ADARB2: variants seen among roughly 807,000 people sequenced by gnomAD.
The protein encoded by ADARB2 is inactive double-stranded RNA-specific editase B2.
In ADARB2, 25 loss-of-function variants were observed where a neutral mutation model predicts 62.2. That is an observed-to-expected ratio of 0.40 (90% confidence interval 0.29 to 0.56). The LOEUF (loss-of-function observed/expected upper bound fraction) is 0.56, where lower values mean the gene tolerates loss of function less well. Ranked by LOEUF, ADARB2 falls within the 20% of genes least tolerant of loss-of-function variation. ADARB2 has a pLI of 0.43. For missense variants in ADARB2, 1,071 were observed against 1,077.4 expected (o/e 0.99, Z 0.08); for synonymous variants, 572 against 500.8 (o/e 1.14, Z -1.90).
At position 1,371,187 on chromosome 10, in the gene ADARB2, A is replaced by G. The variant is rs190976669; in HGVS notation, c.188-7270T>C. Among the ~76,000 whole-genome samples the G allele has an allele frequency of 2.6e-5, 4 of 152,314 alleles. No homozygotes were observed. In the East Asian group the frequency reaches 7.7e-4, roughly 29 times the overall value. ...TCAACAAAGCTGACAAAAATAAACA[A>G]TGGGGAAAGGACATCCTAGTCAGTA... On this transcript the variant is annotated intron_variant, in intron 2 of 9. Transcript: ENST00000381312.
intron 3 of ADARB2, among the ~76,000 whole-genome samples, chr10:1,320,237 G>T (rs546852079): frequency 2.0e-5 from 3 of 152,318 alleles, no homozygotes; most frequent in Non-Finnish European, 2.9e-5. Flanking sequence ...CCCATGATGT[G>T]CTATGGAGAA....
intron 1 of ADARB2, among the ~76,000 whole-genome samples, chr10:1,420,190 T>C (rs1338441444): frequency 1.3e-5 from 2 of 152,218 alleles, no homozygotes; most frequent in Non-Finnish European, 2.9e-5. Flanking sequence ...ATATTTAAAG[T>C]TCTAATCTAC....
chr10:1,670,079 C>A (rs1454779812), intron 1 of ADARB2, among the ~76,000 whole-genome samples: 2 of 152,238 alleles, frequency 1.3e-5, no homozygotes, highest in Non-Finnish European at 2.9e-5. Flanking sequence ...TGAAGCCTCC[C>A]AGGTTCCTAG....
At chr10:1,285,304 C>T (rs1791000404) in intron 3 of ADARB2, among the ~76,000 whole-genome samples, 1 of 152,052 alleles carries the variant, frequency 6.6e-6, no homozygotes, top group African/African-American at 2.4e-5. Flanking sequence ...AACGCGCCCT[C>T]CTGTGAACCC....
intron 3 of ADARB2, among the ~76,000 whole-genome samples, chr10:1,277,113 A>C (rs529612138): frequency 1.3e-5 from 2 of 152,378 alleles, no homozygotes; most frequent in African/African-American, 2.4e-5. Flanking sequence ...AGCAGTGTGT[A>C]GAGGGAAATT....
chr10:1,733,438 A>G (rs1243628815), intron 1 of ADARB2, among the ~76,000 whole-genome samples: 1 of 152,228 alleles, frequency 6.6e-6, no homozygotes, highest in Non-Finnish European at 1.5e-5. Flanking sequence ...CACAAAAGAG[A>G]GAAAAACAGA....
At chr10:1,579,060 G>C (rs1187584070) in intron 1 of ADARB2, among the ~76,000 whole-genome samples, 1 of 152,136 alleles carries the variant, frequency 6.6e-6, no homozygotes, top group East Asian at 1.9e-4. Flanking sequence ...AGGTGGGAGA[G>C]CCCCAGGTGC....
intron 3 of ADARB2, among the ~76,000 whole-genome samples, chr10:1,287,766 G>GA (rs1831426669): frequency 6.6e-6 from 1 of 152,194 alleles, no homozygotes; most frequent in Non-Finnish European, 1.5e-5. Flanking sequence ...GTTTAAATTG[G>GA]AAGCTAGAGT....
At chr10:1,584,717 A>G (rs1349619011) in intron 1 of ADARB2, among the ~76,000 whole-genome samples, 9 of 152,228 alleles carry the variant, frequency 5.9e-5, no homozygotes, top group Admixed American at 5.2e-4. Flanking sequence ...GAATGGATAC[A>G]TCGTCTGTGG....
At chr10:1,508,269 A>T (rs2131942908) in intron 1 of ADARB2, among the ~76,000 whole-genome samples, 1 of 152,198 alleles carries the variant, frequency 6.6e-6, no homozygotes, top group Non-Finnish European at 1.5e-5. Flanking sequence ...ACCTCAATGG[A>T]CGTCAGTGCT....
At chr10:1,371,076 G>C (rs1832365713) in intron 2 of ADARB2, among the ~76,000 whole-genome samples, 2 of 152,180 alleles carry the variant, frequency 1.3e-5, no homozygotes, top group Non-Finnish European at 2.9e-5. Context: ...AGTAAGAACA[G>C]GATGGTATTG....
Position 1,733,228 on chromosome 10 carries a change from T to C in ADARB2, c.100+3823A>G, listed in dbSNP as rs75041007. 1.4e-3 allele frequency among the ~76,000 whole-genome samples: 217 copies of C among 152,326 alleles called. 4 individuals carry two copies. In the East Asian group the frequency reaches 0.031, roughly 22 times the overall value. Reference sequence around the variant, plus strand: ...AAACCCCAGCCTCCAATGTACCTTGTGGAATCAGCTGATTTTGGATTGGCC... The same window carrying C: ...AAACCCCAGCCTCCAATGTACCTTGCGGAATCAGCTGATTTTGGATTGGCC... On this transcript the variant is annotated intron_variant, in intron 1 of 9. Transcript: ENST00000381312.
chr10:1,438,227 A>C (rs1268427143), intron 1 of ADARB2, among the ~76,000 whole-genome samples: 1 of 144,196 alleles, frequency 6.9e-6, no homozygotes, highest in Non-Finnish European at 1.5e-5. Context: ...GAGTCTCCTC[A>C]GTGGACGGAA....
chr10:1,689,875 C>T (rs11250731), intron 1 of ADARB2, among the ~76,000 whole-genome samples: 4,464 of 152,284 alleles, frequency 0.029, 96 homozygotes, highest in Middle Eastern at 0.068. Flanking sequence ...TCTACAGTTA[C>T]GTAGGGGTCT....
chr10:1,610,752 A>G (rs1043124073), intron 1 of ADARB2, among the ~76,000 whole-genome samples: 55 of 150,368 alleles, frequency 3.7e-4, no homozygotes, highest in Non-Finnish European at 6.1e-4. Context: ...GCAGGCGCAC[A>G]CACACACACA....
At chr10:1,709,990 C>T (rs1224079211) in intron 1 of ADARB2, among the ~76,000 whole-genome samples, 3 of 152,160 alleles carry the variant, frequency 2.0e-5, no homozygotes, top group Non-Finnish European at 4.4e-5. Context: ...ATTTTATGTG[C>T]AGCTCTCCTG....
chr10:1,603,618 T>C (rs936310369), intron 1 of ADARB2, among the ~76,000 whole-genome samples: 2 of 151,786 alleles, frequency 1.3e-5, no homozygotes, highest in African/African-American at 4.8e-5. Context: ...AGTTGCACTT[T>C]TGTGGTTTAT....
At chr10:1,408,302 A>G (rs1370198117) in intron 1 of ADARB2, among the ~76,000 whole-genome samples, 4 of 152,226 alleles carry the variant, frequency 2.6e-5, no homozygotes, top group Non-Finnish European at 4.4e-5. Context: ...ATGGTCGACC[A>G]TTCCCAGATT....
intron 1 of ADARB2, among the ~76,000 whole-genome samples, chr10:1,716,050 C>T (rs544237607): frequency 2.6e-5 from 4 of 152,036 alleles, no homozygotes; most frequent in African/African-American, 4.8e-5. Flanking sequence ...CGTTCCATCA[C>T]GACTCATGCA....
Sources: gnomAD v4.1 joint callset for allele counts (sites outside exome capture counted in the v4.1 genomes callset) on GRCh38, gnomAD v4.1.1 for gene constraint, MANE v1.5 for transcripts, NCBI Gene and HGNC (gene_info 2026-07-23, HGNC 2026-07-21) for gene names.